MRRF: variants seen among roughly 807,000 people sequenced by gnomAD.
The protein encoded by MRRF is mitochondrial ribosome recycling factor.
Under a neutral mutation model 25.1 loss-of-function variants are expected in MRRF, and 18 were observed. The observed-to-expected ratio is 0.72, with a 90% CI of 0.50 to 1.06. The LOEUF (loss-of-function observed/expected upper bound fraction) is 1.06, where lower values mean the gene tolerates loss of function less well. Among genes scored for constraint, MRRF ranks in the 50% least tolerant of loss-of-function variants. The pLI, the probability that MRRF is intolerant of heterozygous loss-of-function variation, is 0.00. For synonymous variants in MRRF, 113 were observed against 112.1 expected, an observed-to-expected ratio of 1.01 and a Z score of -0.05; for missense variants, 323 against 319.3, an observed-to-expected ratio of 1.01 and a Z score of -0.09.
intron 2 of MRRF, among the ~76,000 whole-genome samples, chr9:122,274,183 T>A: frequency 6.6e-6 from 1 of 152,216 alleles, no homozygotes; most frequent in Non-Finnish European, 1.5e-5. Flanking sequence ...GAAACACTTC[T>A]TATATGTTAA....
In MRRF at chr9:122,319,251, C is replaced by T. The variant is rs148665965; in HGVS notation, c.712-3289C>T. Among the ~76,000 whole-genome samples, 815 of 150,678 alleles carry T rather than the reference C, an allele frequency of 5.4e-3. 5 individuals are homozygous for T. Among genetic ancestry groups the T allele is most frequent in the African/African-American group, 0.019 (792 of 41,010 alleles). On this transcript the variant is annotated intron_variant, in intron 6 of 6. Coordinates refer to ENST00000344641, the MANE Select transcript of MRRF (RefSeq NM_138777.5). ...GTGCAAGCTCTGCCTCCTGGGTTCACGCTGTTCTCCTGCCCCAGCCTCCCC... is the reference window on the plus strand; with the variant it reads ...GTGCAAGCTCTGCCTCCTGGGTTCATGCTGTTCTCCTGCCCCAGCCTCCCC...
chr9:122,315,121 C>T (rs997325498), intron 6 of MRRF, among the ~76,000 whole-genome samples: 2 of 152,066 alleles, frequency 1.3e-5, no homozygotes, highest in African/African-American at 4.8e-5. Flanking sequence ...CTGGGCCCTA[C>T]TCCTGCATTT....
At chr9:122,269,180 T>A (rs74606473) in intron 1 of MRRF, among the ~76,000 whole-genome samples, 6,352 of 148,678 alleles carry the variant, frequency 0.043, 158 homozygotes, top group Non-Finnish European at 0.06. Flanking sequence ...AAAAAAAAAA[T>A]AATAATAATA....
intron 3 of MRRF, among the ~76,000 whole-genome samples, chr9:122,281,255 C>T (rs750248444): frequency 4.6e-5 from 7 of 152,180 alleles, no homozygotes; most frequent in Non-Finnish European, 8.8e-5. Context: ...GCTGATGGTG[C>T]AAGCAGGCAG....
intron 5 of MRRF, among the ~76,000 whole-genome samples, chr9:122,304,682 C>G (rs1834724219): frequency 6.6e-6 from 1 of 152,208 alleles, no homozygotes; most frequent in African/African-American, 2.4e-5. Context: ...AATTCCCTCT[C>G]TTCTTTCTCC....
chr9:122,292,891 G>A (rs10513396), intron 5 of MRRF, among the ~76,000 whole-genome samples: 2,383 of 152,182 alleles, frequency 0.016, 60 homozygotes, highest in African/African-American at 0.049. Context: ...TATATAGCAA[G>A]GCCCAAATAA....
At chr9:122,317,578 CATG>C (rs1835615816) in intron 6 of MRRF, among the ~76,000 whole-genome samples, 3 of 152,136 alleles carry the variant, frequency 2.0e-5, no homozygotes. Context: ...ATTTTATAGA[CATG>C]GTAAATTTTT....
At chr9:122,310,120 G>T (rs976070060) in intron 5 of MRRF, among the ~76,000 whole-genome samples, 1 of 152,208 alleles carries the variant, frequency 6.6e-6, no homozygotes, top group African/African-American at 2.4e-5. Context: ...GGGAGGTTCT[G>T]TTTCATTTGT....
Position 122,270,980 on chromosome 9 carries a change from C to G in MRRF, c.89C>G (p.Thr30Arg), listed in dbSNP as rs148604158. Residue 30 changes from threonine (T) to arginine (R), a missense_variant, in exon 2 of 7, where the codon ACA becomes AGA. Thr to Arg is a moderately conservative substitution (Grantham distance 71). Transcript: ENST00000344641. ...TCTATCAGACCCGTTTCAGAAGTTA[C>G]ACTGAAGACAGTGCATGAAAGACAA... ...AASIRPVSEVTLKTVHERQHG... is the reference protein window; with the variant it reads ...AASIRPVSEVRLKTVHERQHG... 12 of 1,614,138 alleles carry G rather than the reference C, an allele frequency of 7.4e-6. No individual in the cohort carries two copies. In the African/African-American group the frequency reaches 1.5e-4, roughly 20 times the overall value.
intron 2 of MRRF, among the ~76,000 whole-genome samples, chr9:122,271,914 CTT>C (rs1316710654): frequency 6.6e-6 from 1 of 152,124 alleles, no homozygotes; most frequent in Non-Finnish European, 1.5e-5. Flanking sequence ...TTCCCACTGA[CTT>C]TCCTTTTCTA....
chr9:122,291,100 A>G (rs542375870), intron 4 of MRRF, among the ~76,000 whole-genome samples: 1 of 152,340 alleles, frequency 6.6e-6, no homozygotes, highest in African/African-American at 2.4e-5. Context: ...ATGGTCTCAG[A>G]TGATGAAATA....
chr9:122,322,202 T>C (rs1800492371), intron 6 of MRRF, among the ~76,000 whole-genome samples: 1 of 151,424 alleles, frequency 6.6e-6, no homozygotes, highest in African/African-American at 2.4e-5. Context: ...CTACTAAAAA[T>C]ACAAAAAAAA....
chr9:122,297,021 A>C (rs961555693), intron 5 of MRRF, among the ~76,000 whole-genome samples: 1 of 152,234 alleles, frequency 6.6e-6, no homozygotes, highest in Non-Finnish European at 1.5e-5. Context: ...ATTACATAAA[A>C]TATTTAAATG....
At chr9:122,286,872 G>A (rs1833445936) in intron 4 of MRRF, among the ~76,000 whole-genome samples, 1 of 152,138 alleles carries the variant, frequency 6.6e-6, no homozygotes, top group Admixed American at 6.6e-5. Flanking sequence ...TGGCCTAGAT[G>A]GCTTTGCTTG....
intron 5 of MRRF, among the ~76,000 whole-genome samples, chr9:122,305,858 C>T (rs1402847289): frequency 5.3e-5 from 8 of 152,180 alleles, no homozygotes; most frequent in Non-Finnish European, 1.5e-5. Context: ...CCTAGGCCCT[C>T]AAACAGAGCC....
chr9:122,306,197 T>C (rs1291664709), intron 5 of MRRF, among the ~76,000 whole-genome samples: 2 of 152,210 alleles, frequency 1.3e-5, no homozygotes, highest in African/African-American at 4.8e-5. Context: ...TTATTACCTA[T>C]ATATGCAAAG....
rs192067873 is a variant in MRRF, at chr9:122,277,675, C to T, written c.185-2768C>T. On this transcript the variant is annotated intron_variant, in intron 2 of 6. Transcript: ENST00000344641. ...AAGTGATGCTTGTGCCTCAGCCTCC[C>T]GAGTAGCTGGGACTACAGGCATACG... 6.4e-4 allele frequency among the ~76,000 whole-genome samples: 98 copies of T among 152,194 alleles called. 3 individuals are homozygous for T. In the East Asian group the frequency reaches 0.014, roughly 23 times the overall value.
chr9:122,268,186 T>C (rs1832238537), intron 1 of MRRF, among the ~76,000 whole-genome samples: 1 of 152,270 alleles, frequency 6.6e-6, no homozygotes, highest in Admixed American at 6.5e-5. Flanking sequence ...GCAATTAAAA[T>C]CTACGCCTTA....
At chr9:122,312,198 A>G (rs1354807242) in intron 5 of MRRF, among the ~76,000 whole-genome samples, 1 of 152,208 alleles carries the variant, frequency 6.6e-6, no homozygotes, top group Non-Finnish European at 1.5e-5. Flanking sequence ...ACTCATGCTC[A>G]TGGGCAAGTC....
Sources: allele counts gnomAD v4.1 joint callset (sites outside exome capture counted in the v4.1 genomes callset), GRCh38; gene constraint gnomAD v4.1.1; transcripts MANE v1.5; gene names NCBI Gene and HGNC (gene_info 2026-07-23, HGNC 2026-07-21).